ANKRD13C: variants seen among roughly 807,000 people sequenced by gnomAD.
The protein encoded by ANKRD13C is ankyrin repeat domain-containing protein 13C.
A neutral mutation model predicts 65.5 loss-of-function variants in ANKRD13C; 16 were observed. That is an observed-to-expected ratio of 0.24 (90% CI 0.17 to 0.37). The LOEUF (loss-of-function observed/expected upper bound fraction) is 0.37. ANKRD13C is among the 10% of genes least tolerant of loss of function. The pLI is 1.00. For missense variants in ANKRD13C, 503 were observed against 655.9 expected (o/e 0.77, Z 2.55); for synonymous variants, 235 against 238.7 (o/e 0.98, Z 0.14).
At chr1:70,279,931 A>C (rs1679315052) in intron 9 of ANKRD13C, among the ~76,000 whole-genome samples, 1 of 152,218 alleles carries the variant, frequency 6.6e-6, no homozygotes, top group Non-Finnish European at 1.5e-5. Flanking sequence ...AGTTTGGAAG[A>C]GGTAAAGTTT....
chr1:70,296,092 A>G, intron 8 of ANKRD13C, 38 bp downstream of exon 8: 1 of 1,602,330 alleles, frequency 6.2e-7, no homozygotes. Flanking sequence ...TAAATACCGA[A>G]CAATGCTTAA....
intron 1 of ANKRD13C, among the ~76,000 whole-genome samples, chr1:70,351,453 G>A (rs946901084): frequency 1.5e-4 from 23 of 152,130 alleles, no homozygotes; most frequent in African/African-American, 4.8e-4. Context: ...AGGCTGGAGT[G>A]CAACGGTGCG....
intron 12 of ANKRD13C, among the ~76,000 whole-genome samples, chr1:70,268,882 A>G (rs1235664684): frequency 6.6e-6 from 1 of 152,006 alleles, no homozygotes; most frequent in African/African-American, 2.4e-5. Flanking sequence ...TTGATTTTTT[A>G]GTTTTTTTTT....
At chr1:70,331,211 T>C (rs944670552) in intron 2 of ANKRD13C, among the ~76,000 whole-genome samples, 1 of 152,046 alleles carries the variant, frequency 6.6e-6, no homozygotes, top group Non-Finnish European at 1.5e-5. Context: ...TAAAAGAAGA[T>C]AAAAGAGAAT....
chr1:70,272,990 A>AAAT (rs1678958982), intron 11 of ANKRD13C, among the ~76,000 whole-genome samples: 3 of 147,116 alleles, frequency 2.0e-5, no homozygotes, highest in African/African-American at 7.6e-5. Context: ...TCTGTCTCAA[A>AAAT]AAATAAATAA....
chr1:70,288,916 T>C (rs1679740777), intron 9 of ANKRD13C, among the ~76,000 whole-genome samples: 1 of 152,186 alleles, frequency 6.6e-6, no homozygotes, highest in South Asian at 2.1e-4. Flanking sequence ...GGAATCCCTG[T>C]ATGATTTCAT....
At chr1:70,288,718 T>C (rs1679729728) in intron 9 of ANKRD13C, among the ~76,000 whole-genome samples, 1 of 152,168 alleles carries the variant, frequency 6.6e-6, no homozygotes, top group Non-Finnish European at 1.5e-5. Flanking sequence ...AGATTAGTGA[T>C]TGCCAGGCAT....
At chr1:70,264,381 C>A (rs150477232) in intron 12 of ANKRD13C, among the ~76,000 whole-genome samples, 1 of 141,916 alleles carries the variant, frequency 7.0e-6, no homozygotes, top group South Asian at 2.4e-4. Flanking sequence ...AAGGCTGAGG[C>A]GGGAGAATCG....
chr1:70,338,299 C>G (rs1255261337), intron 1 of ANKRD13C, among the ~76,000 whole-genome samples: 1 of 152,142 alleles, frequency 6.6e-6, no homozygotes, highest in Non-Finnish European at 1.5e-5. Flanking sequence ...TAGAGACACT[C>G]AAGTGAATTT....
At chr1:70,329,142 A>G (rs1293527688) in intron 2 of ANKRD13C, among the ~76,000 whole-genome samples, 3 of 152,072 alleles carry the variant, frequency 2.0e-5, no homozygotes, top group Non-Finnish European at 4.4e-5. Context: ...TACATCAAGA[A>G]AAAAAAAGTA....
chr1:70,276,699 A>C, intron 10 of ANKRD13C, 66 bp downstream of exon 10: 1 of 1,226,434 alleles, frequency 8.2e-7, no homozygotes, highest in Non-Finnish European at 1.2e-6. Context: ...AAATATTCAC[A>C]TATTCAGTTT....
chr1:70,309,643 G>GT (rs1172130607), intron 5 of ANKRD13C, among the ~76,000 whole-genome samples: 2 of 148,670 alleles, frequency 1.3e-5, no homozygotes, highest in Admixed American at 1.3e-4. Flanking sequence ...GGAGAATGGC[G>GT]TGAACCCAGG....
intron 12 of ANKRD13C, among the ~76,000 whole-genome samples, chr1:70,270,058 G>T (rs981990099): frequency 3.9e-5 from 6 of 152,158 alleles, no homozygotes; most frequent in Non-Finnish European, 8.8e-5. Context: ...ATGCAAAAAT[G>T]AGTGTACTAT....
intron 11 of ANKRD13C, 118 bp from the exon 12 acceptor site, chr1:70,271,074 G>A (rs1678857287): frequency 3.3e-6 from 2 of 611,766 alleles, no homozygotes; most frequent in South Asian, 2.1e-5. Flanking sequence ...TACTAAGGAT[G>A]AGTAAATTAC....
intron 1 of ANKRD13C, among the ~76,000 whole-genome samples, chr1:70,338,181 G>A (rs922010512): frequency 1.2e-4 from 18 of 151,946 alleles, no homozygotes; most frequent in Non-Finnish European, 1.2e-4. Flanking sequence ...CTCCTCCCAC[G>A]TAGAAATTGC....
intron 9 of ANKRD13C, among the ~76,000 whole-genome samples, chr1:70,290,036 G>C (rs538844342): frequency 1.3e-5 from 2 of 152,070 alleles, no homozygotes; most frequent in Non-Finnish European, 1.5e-5. Context: ...ATACTAGCAG[G>C]CTCCTGGAAA....
At chr1:70,288,535 C>T (rs368538236) in intron 9 of ANKRD13C, among the ~76,000 whole-genome samples, 3 of 152,140 alleles carry the variant, frequency 2.0e-5, no homozygotes, top group Admixed American at 6.5e-5. Context: ...ACACTAATAC[C>T]ATGAAATACT....
chr1:70,266,853 AATATGGTCTACCTTGGT>A (rs2101102140), intron 12 of ANKRD13C, among the ~76,000 whole-genome samples: 1 of 152,342 alleles, frequency 6.6e-6, no homozygotes, highest in South Asian at 2.1e-4. Context: ...GTTTATAGCC[AATATGGTCTACCTTGGT>A]ATATGTTCCA....
At chr1:70,326,479 G>A (rs1681551310) in intron 2 of ANKRD13C, among the ~76,000 whole-genome samples, 1 of 152,140 alleles carries the variant, frequency 6.6e-6, no homozygotes, top group Non-Finnish European at 1.5e-5. Context: ...TGTTAAGACA[G>A]TGTAATGTGG....
Sources: allele counts gnomAD v4.1 joint callset (sites outside exome capture counted in the v4.1 genomes callset), GRCh38; gene constraint gnomAD v4.1.1; transcripts MANE v1.5; gene names NCBI Gene and HGNC (gene_info 2026-07-23, HGNC 2026-07-21).